MYBPC3: variants seen among roughly 807,000 people sequenced by gnomAD.
MYBPC3 encodes myosin-binding protein C, cardiac-type.
MYBPC3 carries 108 observed loss-of-function variants against 159.3 expected under a neutral mutation model. That is an observed-to-expected ratio of 0.68 (90% confidence interval 0.58 to 0.80). The LOEUF (loss-of-function observed/expected upper bound fraction) is 0.80, where lower values mean the gene tolerates loss of function less well. MYBPC3 is among the 30% of genes least tolerant of loss of function. The pLI, the probability that MYBPC3 is intolerant of heterozygous loss-of-function variation, is 0.00. For missense variants in MYBPC3, 1,631 were observed against 1,762.1 expected, an observed-to-expected ratio of 0.93 and a Z score of 1.33; for synonymous variants, 730 against 702.0, an observed-to-expected ratio of 1.04 and a Z score of -0.63.
chr11:47,348,928 T>TATATATATATATATATA (rs1424143680), intron 5 of MYBPC3, among the ~76,000 whole-genome samples: 8 of 9,908 alleles, frequency 8.1e-4, no homozygotes, highest in South Asian at 4.7e-3. Flanking sequence ...ATATATATAT[T>TATATATATATATATATA]TAAAGGAGGC....
At position 47,333,347 on chromosome 11, in the gene MYBPC3, A is replaced by G; in HGVS notation, c.3191-14T>C. 1 of 1,552,996 alleles carries G rather than the reference A, an allele frequency of 6.4e-7. No homozygotes were observed. The highest frequency in any genetic ancestry group is 1.2e-5 in the South Asian group (1 of 84,076). On this transcript the variant is annotated splice_polypyrimidine_tract_variant and intron_variant, in intron 29 of 34. Transcript: ENST00000545968. ...GACTTGGCTTGTCTGCGGGAGACAGACCCAGTTGGGTCACCACGCCTCCTG... is the reference window on the plus strand; with the variant it reads ...GACTTGGCTTGTCTGCGGGAGACAGGCCCAGTTGGGTCACCACGCCTCCTG...
chr11:47,331,837 G>T lies in MYBPC3; in HGVS notation c.*26+8C>A. ...TGACTTGTGCCCTGGGTGTCGGGTG[G>T]TACATACCTGGCCATCCCCAGGAGC... On this transcript the variant is annotated splice_region_variant and intron_variant, in intron 34 of 34. Coordinates refer to ENST00000545968, the MANE Select transcript of MYBPC3 (RefSeq NM_000256.3). The T allele has an allele frequency of 6.2e-7, 1 of 1,603,004 alleles. No homozygotes were observed. The highest frequency in any genetic ancestry group is 8.5e-7 in the Non-Finnish European group (1 of 1,175,342).
rs2095890438 is a variant in MYBPC3, at chr11:47,342,894, C to A, written c.1393G>T (p.Val465Leu). The change falls in exon 16 of 35, where the codon GTG (valine) becomes TTG (leucine). Residue 465 changes from valine (V) to leucine (L), a missense_variant. Physicochemically the swap from Val to Leu is conservative, Grantham distance 32. Transcript: ENST00000545968. ...AACTCCACCCGCTGCCCCACCATCA[C>A]CAGCTGGTCCTCCAAGGGGCGCGTG... ...LITRPLEDQL[V>L]MVGQRVEFEC... is the part of the protein sequence containing the mutation. 1 of 1,612,828 alleles carries A rather than the reference C, an allele frequency of 6.2e-7. No individual in the cohort carries two copies. Among genetic ancestry groups the A allele is most frequent in the African/African-American group, 1.3e-5 (1 of 75,048 alleles).
chr11:47,350,416 GC>G (rs1288189610), intron 3 of MYBPC3, 85 bp downstream of exon 3: 2 of 1,517,910 alleles, frequency 1.3e-6, no homozygotes, highest in African/African-American at 2.8e-5. Flanking sequence ...CTGAGCCACC[GC>G]ACCTGGCCCA....
chr11:47,341,941 G>C (rs1354181266), intron 18 of MYBPC3, 50 bp downstream of exon 18: 5 of 1,545,680 alleles, frequency 3.2e-6, no homozygotes, highest in Middle Eastern at 1.7e-4. Context: ...GTCTCTCTCT[G>C]TCTCCATCTC....
intron 9 of MYBPC3, 81 bp from the exon 10 acceptor site, chr11:47,347,110 G>A: frequency 8.5e-7 from 1 of 1,180,418 alleles, no homozygotes; most frequent in Non-Finnish European, 1.2e-6. Context: ...AGTCAGTTGG[G>A]CCGACCTGGT....
chr11:47,349,390 T>C (rs1370204133), intron 5 of MYBPC3, among the ~76,000 whole-genome samples: 1 of 152,146 alleles, frequency 6.6e-6, no homozygotes, highest in African/African-American at 2.4e-5. Context: ...CCCTTAGCCC[T>C]GATACTCACC....
chr11:47,346,684 C>T lies in MYBPC3; in HGVS notation c.909-40G>A. 1 of 1,586,908 alleles carries T rather than the reference C, an allele frequency of 6.3e-7. No individual in the cohort carries two copies. The highest frequency in any genetic ancestry group is 8.6e-7 in the Non-Finnish European group (1 of 1,165,856). ...GGGGTGGGAGAAAGGGTAGGTGGCACATGAGAGGTATGGCCACCTTCCCTC... is the reference window on the plus strand; with the variant it reads ...GGGGTGGGAGAAAGGGTAGGTGGCATATGAGAGGTATGGCCACCTTCCCTC... On this transcript the variant is annotated intron_variant, in intron 10 of 34. Transcript: ENST00000545968. This position sits in a 1 kb window ranked among gnomAD's most constrained non-coding sequence, Gnocchi z 5.3.
Position 47,351,369 on chromosome 11 carries a change from C to T in MYBPC3, c.162G>A (p.Lys54=). ...GTGTGCCCTCTGTGGCCAGGCCGTA[C>T]TTGTTGCTGGCGCTGATGTCACTGC... ...RGGSDISASN[K]YGLATEGTRH... The change falls in exon 2 of 35, where the codon AAG becomes AAA. Residue 54 remains lysine (K), a synonymous_variant. Coordinates refer to ENST00000545968, the MANE Select transcript of MYBPC3 (RefSeq NM_000256.3). This position sits in a 1 kb window ranked among gnomAD's most constrained non-coding sequence, Gnocchi z 4.2. The T allele has an allele frequency of 6.2e-7, 1 of 1,608,132 alleles. No homozygotes were observed. The highest frequency in any genetic ancestry group is 8.5e-7 in the Non-Finnish European group (1 of 1,177,640).
At chr11:47,349,097 C>T (rs940357891) in intron 5 of MYBPC3, among the ~76,000 whole-genome samples, 9 of 151,386 alleles carry the variant, frequency 5.9e-5, no homozygotes, top group African/African-American at 1.5e-4. Flanking sequence ...TGCACAGCCC[C>T]GCACAGCAGA....
Position 47,331,711 on chromosome 11 carries a change from T to C in MYBPC3, c.*32A>G, listed in dbSNP as rs1205999766. ...CTCCTGGCACGGGGCTGGCATCCGG[T>C]TGTACCTGCAACACAGGTTATCTTA... On this transcript the variant is annotated 3_prime_UTR_variant, in exon 35 of 35. Coordinates refer to ENST00000545968, the MANE Select transcript of MYBPC3 (RefSeq NM_000256.3). 1.0e-6 allele frequency: 1 copy of C among 954,128 alleles called. No individual in the cohort carries two copies. Among genetic ancestry groups the C allele is most frequent in the African/African-American group, 1.6e-5 (1 of 60,656 alleles). The allele number at this position is 954,128 out of a possible 1,614,324, so 59.1% of individuals were successfully genotyped here.
intron 17 of MYBPC3, 37 bp downstream of exon 17, chr11:47,342,541 G>T: frequency 6.6e-7 from 1 of 1,519,766 alleles, no homozygotes; most frequent in Non-Finnish European, 8.8e-7. Context: ...AGGGGTCCAA[G>T]CCCTAAAGCC....
Position 47,339,414 on chromosome 11 carries a change from G to A in MYBPC3, c.2068-10C>T, listed in dbSNP as rs986937864. ...CTGGGGCCTTATTCCCCTGGGAACA[G>A]GGCAGGAGGGAAGTAGGGAGCAGAG... On this transcript the variant is annotated splice_polypyrimidine_tract_variant and intron_variant, in intron 21 of 34. Transcript: ENST00000545968. The A allele has an allele frequency of 1.2e-6, 2 of 1,613,470 alleles. No individual in the cohort carries two copies. Among genetic ancestry groups the A allele is most frequent in the African/African-American group, 2.7e-5 (2 of 74,944 alleles).
rs1054480050 is a variant in MYBPC3 at position 47,339,516 on chromosome 11, C to A, written c.2068-112G>T. The A allele has an allele frequency of 2.9e-5, 44 of 1,494,848 alleles. 1 individual carries two copies. The highest frequency in any genetic ancestry group is 2.7e-4 in the South Asian group (22 of 80,704). The allele number at this position is 1,494,848 out of a possible 1,614,324, so 92.6% of individuals were successfully genotyped here. On this transcript the variant is annotated intron_variant, in intron 21 of 34. Coordinates refer to ENST00000545968, the MANE Select transcript of MYBPC3 (RefSeq NM_000256.3). ...CCACACTGCCCACCTTGCCTGCCCC[C>A]TGACCAGTCTCTCCCATGGGGTAGC...
chr11:47,346,152 G>A lies in MYBPC3; in HGVS notation c.1090+55C>T. On this transcript the variant is annotated intron_variant, in intron 12 of 34. Transcript: ENST00000545968. The surrounding 1 kb of genome is among the most constrained non-coding windows in gnomAD (Gnocchi z 5.3). ...GCTAACCTATGCCCTCTCCTCTCCT[G>A]TGTAGGGAAGGGCTAGCCTGTGCCC... The A allele has an allele frequency of 6.2e-7, 1 of 1,606,472 alleles. No individual in the cohort carries two copies. Among genetic ancestry groups the A allele is most frequent in the Non-Finnish European group, 8.5e-7 (1 of 1,176,140 alleles).
In MYBPC3 at chr11:47,337,424, G is replaced by T. The variant is rs1490705944; in HGVS notation, c.2569C>A (p.Pro857Thr). The change falls in exon 25 of 35, where the codon CCC (proline) becomes ACC (threonine). Residue 857 changes from proline to threonine, a missense_variant. Physicochemically the swap from Pro to Thr is conservative, Grantham distance 38 (BLOSUM62 -1). Coordinates refer to ENST00000545968, the MANE Select transcript of MYBPC3 (RefSeq NM_000256.3). ...YAVNAIGMSR[P>T]SPASQPFMPI... ...ATGAAGGGCTGGGAGGCAGGGCTGG[G>T]CCTGGACATGCCGATGGCGTTGACC... is the stretch of plus-strand genomic sequence containing the variant. The T allele has an allele frequency of 6.2e-7, 1 of 1,607,586 alleles. No individual in the cohort carries two copies. Among genetic ancestry groups the T allele is most frequent in the Non-Finnish European group, 8.5e-7 (1 of 1,177,044 alleles).
rs397516046 is a variant in MYBPC3, at chr11:47,350,506, G to A, written c.402C>T (p.Pro134=). 19 of 1,559,434 alleles carry A rather than the reference G, an allele frequency of 1.2e-5. No homozygotes were observed. The African/African-American group carries it at 2.6e-4, about 21-fold the overall frequency. The change falls in exon 3 of 35, where the codon CCC becomes CCT. Residue 134 remains proline (P), a synonymous_variant. Coordinates refer to ENST00000545968, the MANE Select transcript of MYBPC3 (RefSeq NM_000256.3). ...TCCCTGCCCAGCCCCTCTCACCTTT[G>A]GGACTTGGGGCACTTTCTCCCAGCT... The part of the protein sequence containing the change: ...AAELGESAPS[P]KGSSSAALNG...
chr11:47,340,423 G>C (rs1208814378), intron 20 of MYBPC3, among the ~76,000 whole-genome samples: 3 of 152,246 alleles, frequency 2.0e-5, no homozygotes, highest in South Asian at 2.1e-4. Flanking sequence ...CCAGCACTTT[G>C]GGAGGCCGAG....
chr11:47,333,775 C>T, intron 28 of MYBPC3, 23 bp from the exon 29 acceptor site: 1 of 1,578,770 alleles, frequency 6.3e-7, no homozygotes, highest in Non-Finnish European at 8.6e-7. Flanking sequence ...AAAGCTTAAC[C>T]CTGAACCTGG....
Sources: allele counts gnomAD v4.1 joint callset (sites outside exome capture counted in the v4.1 genomes callset), GRCh38; gene constraint gnomAD v4.1.1; non-coding constraint Gnocchi (gnomAD v3.1); transcripts MANE v1.5; gene names NCBI Gene and HGNC (gene_info 2026-07-23, HGNC 2026-07-21).